Variants in PTPRM observed in about 807,000 individuals in gnomAD.
The protein encoded by PTPRM is receptor-type tyrosine-protein phosphatase mu.
PTPRM carries 47 observed loss-of-function variants against 186.7 expected under a neutral mutation model. The ratio of observed to expected loss-of-function variants is 0.25; its 90% confidence interval spans 0.20 to 0.32. The LOEUF (loss-of-function observed/expected upper bound fraction) is 0.32, where lower values mean the gene tolerates loss of function less well. PTPRM is among the 10% of genes least tolerant of loss of function. PTPRM has a pLI of 1.00. For synonymous variants in PTPRM, 668 were observed against 674.9 expected (o/e 0.99, Z 0.16); for missense variants, 1,494 against 1,865.0 (o/e 0.80, Z 3.66).
intron 32 of PTPRM, chr18:8,403,873 A>C (rs2095886456): frequency 6.6e-6 from 1 of 152,200 alleles, no homozygotes; most frequent in East Asian, 1.9e-4. Flanking sequence ...GCTTCAGTTC[A>C]TCCACGTTGT....
chr18:7,931,627 G>A (rs2051490272), intron 5 of PTPRM, among the ~76,000 whole-genome samples: 1 of 152,166 alleles, frequency 6.6e-6, no homozygotes, highest in Non-Finnish European at 1.5e-5. Context: ...CTTGAACCCG[G>A]AAGGCGGAGG....
intron 14 of PTPRM, among the ~76,000 whole-genome samples, chr18:8,194,919 A>G (rs1392354367): frequency 1.2e-4 from 18 of 152,106 alleles, no homozygotes. Context: ...AGGATTGGGC[A>G]TACAAACGTT....
At chr18:7,956,952 C>T (rs907715624) in intron 7 of PTPRM, among the ~76,000 whole-genome samples, 5 of 152,146 alleles carry the variant, frequency 3.3e-5, no homozygotes, top group African/African-American at 9.7e-5. Context: ...AAGTGAAGCC[C>T]GTGTGAGCTC....
At chr18:7,836,873 C>T (rs9947984) in intron 2 of PTPRM, among the ~76,000 whole-genome samples, 1 of 152,082 alleles carries the variant, frequency 6.6e-6, no homozygotes, top group Non-Finnish European at 1.5e-5. Context: ...TATTGGAACT[C>T]CATTGTATGT....
At chr18:7,960,196 T>C (rs2053567933) in intron 7 of PTPRM, among the ~76,000 whole-genome samples, 2 of 152,272 alleles carry the variant, frequency 1.3e-5, no homozygotes, top group South Asian at 4.1e-4. Context: ...CGAAGGATTA[T>C]TATAAACTAA....
chr18:7,677,926 G>A (rs1412211789), intron 1 of PTPRM, among the ~76,000 whole-genome samples: 1 of 152,032 alleles, frequency 6.6e-6, no homozygotes, highest in Non-Finnish European at 1.5e-5. Flanking sequence ...TATCATCTCT[G>A]CCCTAGGTGG....
chr18:8,373,285 C>T (rs1467994186), intron 24 of PTPRM, among the ~76,000 whole-genome samples: 1 of 152,142 alleles, frequency 6.6e-6, no homozygotes, highest in East Asian at 1.9e-4. Flanking sequence ...CATGTTGCAT[C>T]GAGGGACCTA....
At chr18:7,936,422 A>C (rs1368541964) in intron 5 of PTPRM, among the ~76,000 whole-genome samples, 1 of 152,210 alleles carries the variant, frequency 6.6e-6, no homozygotes, top group Non-Finnish European at 1.5e-5. Context: ...CTTGGAGCAA[A>C]GTTGAGGCTA....
At chr18:8,160,482 A>G (rs935923405) in intron 14 of PTPRM, among the ~76,000 whole-genome samples, 4 of 151,958 alleles carry the variant, frequency 2.6e-5, no homozygotes, top group African/African-American at 9.7e-5. Flanking sequence ...TGTTGTAGAG[A>G]CAGGGTGTTG....
chr18:8,200,855 G>A (rs966674209), intron 14 of PTPRM, among the ~76,000 whole-genome samples: 5 of 152,146 alleles, frequency 3.3e-5, no homozygotes, highest in African/African-American at 9.7e-5. Context: ...ATACCTGGGA[G>A]TAATTCCTAA....
intron 14 of PTPRM, among the ~76,000 whole-genome samples, chr18:8,153,294 A>G (rs959674073): frequency 2.6e-5 from 4 of 152,316 alleles, no homozygotes; most frequent in Admixed American, 6.5e-5. Flanking sequence ...CTAAATGTCA[A>G]CTAATCCTCC....
chr18:8,019,042 A>G (rs185980803), intron 7 of PTPRM, among the ~76,000 whole-genome samples: 51 of 152,352 alleles, frequency 3.3e-4, no homozygotes, highest in Admixed American at 1.3e-4. Flanking sequence ...AATATCTGTG[A>G]CAGGCTTTGG....
intron 10 of PTPRM, among the ~76,000 whole-genome samples, chr18:8,087,605 G>A (rs2090496289): frequency 6.6e-6 from 1 of 152,054 alleles, no homozygotes; most frequent in Non-Finnish European, 1.5e-5. Context: ...AACAGTTACA[G>A]TTTACAGGTC....
At chr18:7,844,315 A>G (rs977681200) in intron 2 of PTPRM, among the ~76,000 whole-genome samples, 4 of 152,212 alleles carry the variant, frequency 2.6e-5, no homozygotes, top group African/African-American at 9.6e-5. Context: ...AGATCTATAA[A>G]TCTTATCCTC....
intron 1 of PTPRM, among the ~76,000 whole-genome samples, chr18:7,627,865 G>A (rs2038098277): frequency 2.0e-5 from 3 of 152,158 alleles, no homozygotes; most frequent in African/African-American, 7.2e-5. Context: ...GTTGTGCGGT[G>A]CTACAGTGAC....
chr18:7,596,685 T>G (rs1381492001), intron 1 of PTPRM, among the ~76,000 whole-genome samples: 1 of 152,092 alleles, frequency 6.6e-6, no homozygotes, highest in African/African-American at 2.4e-5. Flanking sequence ...TTGGAACCTA[T>G]TTTTGGGGTA....
chr18:8,364,710 G>A (rs2095617792), intron 23 of PTPRM, among the ~76,000 whole-genome samples: 1 of 152,152 alleles, frequency 6.6e-6, no homozygotes, highest in Non-Finnish European at 1.5e-5. Context: ...AAACAAAGAA[G>A]AGTCTCTTAA....
chr18:8,189,938 T>C (rs1178551078), intron 14 of PTPRM, among the ~76,000 whole-genome samples: 1 of 152,252 alleles, frequency 6.6e-6, no homozygotes, highest in South Asian at 2.1e-4. Context: ...AATAATGCTA[T>C]ATGTTAAACA....
intron 7 of PTPRM, among the ~76,000 whole-genome samples, chr18:8,001,279 G>A (rs923512006): frequency 1.3e-5 from 2 of 152,156 alleles, no homozygotes; most frequent in African/African-American, 4.8e-5. Flanking sequence ...TAGACTCCTC[G>A]TAAACTCCAG....
Sources: allele counts gnomAD v4.1 joint callset (sites outside exome capture counted in the v4.1 genomes callset), GRCh38; gene constraint gnomAD v4.1.1; transcripts MANE v1.5; gene names NCBI Gene and HGNC (gene_info 2026-07-23, HGNC 2026-07-21).